The following LYPLAL1 variants were observed in gnomAD, a reference collection of about 807,000 sequenced individuals.
The protein encoded by LYPLAL1 is lysophospholipase-like protein 1.
A neutral mutation model predicts 19.7 loss-of-function variants in LYPLAL1; 23 were observed. The observed-to-expected ratio is 1.17, with a 90% CI of 0.84 to 1.65. The LOEUF (loss-of-function observed/expected upper bound fraction) is 1.65. Ranked by LOEUF, LYPLAL1 falls within the 40% of genes most tolerant of loss-of-function variation. The pLI is 0.00. For missense variants in LYPLAL1, 355 were observed against 279.4 expected, an observed-to-expected ratio of 1.27 and a Z score of -1.93; for synonymous variants, 119 against 96.3, an observed-to-expected ratio of 1.24 and a Z score of -1.38.
chr1:219,426,788 G>A, the LYPLAL1 span, among the ~76,000 whole-genome samples: 14 of 152,204 alleles, frequency 9.2e-5, no homozygotes, highest in South Asian at 4.1e-4. Flanking sequence ...TAGTAGAGAC[G>A]GGTTTTTGCC....
At chr1:219,260,262 G>T in the LYPLAL1 span, among the ~76,000 whole-genome samples, 1 of 151,754 alleles carries the variant, frequency 6.6e-6, no homozygotes, top group Non-Finnish European at 1.5e-5. Context: ...AAAAATCTGT[G>T]TTAGAAGTCA....
the LYPLAL1 span, among the ~76,000 whole-genome samples, chr1:219,400,846 C>A: frequency 6.6e-6 from 1 of 152,166 alleles, no homozygotes; most frequent in Non-Finnish European, 1.5e-5. Flanking sequence ...AGCTATCTAT[C>A]TAATGATTGG....
the LYPLAL1 span, among the ~76,000 whole-genome samples, chr1:219,243,939 T>G: frequency 6.8e-6 from 1 of 146,882 alleles, no homozygotes; most frequent in Non-Finnish European, 1.5e-5. Flanking sequence ...AAAAAAGGAT[T>G]TGGGAGGTAG....
the LYPLAL1 span, among the ~76,000 whole-genome samples, chr1:219,314,713 T>G: frequency 6.6e-6 from 1 of 152,250 alleles, no homozygotes; most frequent in African/African-American, 2.4e-5. Context: ...ATTACAGGCA[T>G]GAGCCACTGC....
At chr1:219,364,351 G>T in the LYPLAL1 span, among the ~76,000 whole-genome samples, 40 of 152,034 alleles carry the variant, frequency 2.6e-4, no homozygotes, top group African/African-American at 9.4e-4. Context: ...CCCAAAATCT[G>T]CCTATTTTCC....
the LYPLAL1 span, among the ~76,000 whole-genome samples, chr1:219,241,551 A>G: frequency 6.6e-6 from 1 of 152,174 alleles, no homozygotes; most frequent in Non-Finnish European, 1.5e-5. Flanking sequence ...AATTATATCT[A>G]GACATCAAAG....
the LYPLAL1 span, among the ~76,000 whole-genome samples, chr1:219,263,846 C>T: frequency 1.3e-5 from 2 of 152,126 alleles, no homozygotes; most frequent in Admixed American, 1.3e-4. Context: ...CATATTTTCC[C>T]CTTTCATACT....
At chr1:219,240,958 CGCT>C in the LYPLAL1 span, among the ~76,000 whole-genome samples, 1 of 151,516 alleles carries the variant, frequency 6.6e-6, no homozygotes, top group Non-Finnish European at 1.5e-5. Flanking sequence ...TATTCAGGGA[CGCT>C]TAGGCAGGAA....
At chr1:219,254,433 T>C in the LYPLAL1 span, among the ~76,000 whole-genome samples, 3 of 152,032 alleles carry the variant, frequency 2.0e-5, no homozygotes, top group African/African-American at 7.2e-5. Flanking sequence ...TTTCTGTCCA[T>C]ATTTAGGACT....
At chr1:219,413,077 C>G in the LYPLAL1 span, among the ~76,000 whole-genome samples, 4 of 151,752 alleles carry the variant, frequency 2.6e-5, no homozygotes, top group Middle Eastern at 3.2e-3. Flanking sequence ...CTTAGAGATA[C>G]TAGGCAGGAT....
At chr1:219,285,845 G>T in the LYPLAL1 span, among the ~76,000 whole-genome samples, 1 of 152,166 alleles carries the variant, frequency 6.6e-6, no homozygotes, top group Non-Finnish European at 1.5e-5. Flanking sequence ...ACTGAATTGT[G>T]CACTTTAAAA....
chr1:219,328,800 T>G, the LYPLAL1 span, among the ~76,000 whole-genome samples: 1 of 152,190 alleles, frequency 6.6e-6, no homozygotes, highest in Non-Finnish European at 1.5e-5. Context: ...CAAAAAGTAC[T>G]TTTGTTGCAA....
chr1:219,260,608 T>C, the LYPLAL1 span, among the ~76,000 whole-genome samples: 1 of 149,036 alleles, frequency 6.7e-6, no homozygotes, highest in Non-Finnish European at 1.5e-5. Flanking sequence ...AATAAAGAAC[T>C]TCATTATATA....
At chr1:219,427,148 C>G in the LYPLAL1 span, among the ~76,000 whole-genome samples, 1 of 152,016 alleles carries the variant, frequency 6.6e-6, no homozygotes, top group Non-Finnish European at 1.5e-5. Context: ...CATTCTTTGT[C>G]CTATTAGTAA....
chr1:219,177,759 C>T (rs1655944127), intron 1 of LYPLAL1, among the ~76,000 whole-genome samples: 2 of 152,182 alleles, frequency 1.3e-5, no homozygotes, highest in Non-Finnish European at 2.9e-5. Flanking sequence ...GATCTCTGTA[C>T]ATCTACTTTT....
chr1:219,419,658 C>T, the LYPLAL1 span, among the ~76,000 whole-genome samples: 2 of 149,758 alleles, frequency 1.3e-5, no homozygotes, highest in African/African-American at 2.5e-5. Context: ...ACATTATTAG[C>T]TGGACCAAGG....
chr1:219,391,038 A>T, the LYPLAL1 span, among the ~76,000 whole-genome samples: 1 of 152,210 alleles, frequency 6.6e-6, no homozygotes, highest in Non-Finnish European at 1.5e-5. Flanking sequence ...CAAAAAGCCA[A>T]CAACAAAAGG....
At chr1:219,357,942 A>G in the LYPLAL1 span, among the ~76,000 whole-genome samples, 1 of 152,368 alleles carries the variant, frequency 6.6e-6, no homozygotes, top group African/African-American at 2.4e-5. Flanking sequence ...TGCAAAGGCT[A>G]CATATTATAT....
At chr1:219,325,960 A>G in the LYPLAL1 span, among the ~76,000 whole-genome samples, 1 of 152,062 alleles carries the variant, frequency 6.6e-6, no homozygotes, top group South Asian at 2.1e-4. Flanking sequence ...GCAATTTGGG[A>G]GGTTTAAAGG....
Sources: allele counts gnomAD v4.1 joint callset (sites outside exome capture counted in the v4.1 genomes callset), GRCh38; gene constraint gnomAD v4.1.1; transcripts MANE v1.5; gene names NCBI Gene and HGNC (gene_info 2026-07-23, HGNC 2026-07-21).